The following CACNB2 variants were observed in gnomAD, a reference collection of about 807,000 sequenced individuals.
CACNB2 encodes voltage-dependent L-type calcium channel subunit beta-2.
A neutral mutation model predicts 73.3 loss-of-function variants in CACNB2; 42 were observed. That is an observed-to-expected ratio of 0.57 (90% CI 0.45 to 0.74). CACNB2 has a LOEUF of 0.74. CACNB2 is among the 30% of genes least tolerant of loss of function. The pLI is 0.00. For synonymous variants in CACNB2, 348 were observed against 310.3 expected, an observed-to-expected ratio of 1.12 and a Z score of -1.28; for missense variants, 940 against 853.0, an observed-to-expected ratio of 1.10 and a Z score of -1.27.
chr10:18,483,120 A>C (rs1210131712), intron 3 of CACNB2, among the ~76,000 whole-genome samples: 4 of 152,122 alleles, frequency 2.6e-5, no homozygotes, highest in Admixed American at 2.0e-4. Context: ...GAGTGATCAC[A>C]TGGGGTTTCA....
intron 1 of CACNB2, 28 bp from the exon 2 acceptor site, chr10:18,150,855 C>CTTTTTTTTTTTGTT: frequency 4.1e-6 from 2 of 483,392 alleles, no homozygotes; most frequent in South Asian, 2.7e-5. Flanking sequence ...TCTTATTTGT[C>CTTTTTTTTTTTGTT]TTTTTTTTTT....
At chr10:18,398,903 C>T (rs2043848543) in intron 2 of CACNB2, among the ~76,000 whole-genome samples, 1 of 152,094 alleles carries the variant, frequency 6.6e-6, no homozygotes. Flanking sequence ...AACCTGGAAA[C>T]AGGTCTCAAA....
chr10:18,403,281 G>A (rs776595611), intron 3 of CACNB2, among the ~76,000 whole-genome samples: 19 of 152,144 alleles, frequency 1.2e-4, no homozygotes, highest in Non-Finnish European at 2.5e-4. Context: ...TGTTAGCCAC[G>A]TAGAACATTG....
At chr10:18,180,890 C>T (rs551897664) in intron 2 of CACNB2, among the ~76,000 whole-genome samples, 10 of 151,236 alleles carry the variant, frequency 6.6e-5, no homozygotes, top group African/African-American at 1.2e-4. Flanking sequence ...CGCTTGAACC[C>T]GGGAGATGGA....
chr10:18,208,591 A>G lies in CACNB2; in HGVS notation c.213+57616A>G, dbSNP rs2035192193. Among the ~76,000 whole-genome samples the G allele has an allele frequency of 3.3e-5, 5 of 152,114 alleles. No homozygotes were observed. In the South Asian group the frequency reaches 1.0e-3, roughly 32 times the overall value. On this transcript the variant is annotated intron_variant, in intron 2 of 13. Coordinates refer to ENST00000324631, the MANE Select transcript of CACNB2 (RefSeq NM_201596.3). ...CGTGCCACTGCACTCTAGCCTGTGC[A>G]ACAGAGTGAGACCCTGTCTCAAAAA... is the stretch of plus-strand genomic sequence containing the variant.
intron 2 of CACNB2, among the ~76,000 whole-genome samples, chr10:18,399,038 G>A (rs1322274200): frequency 6.6e-6 from 1 of 152,180 alleles, no homozygotes; most frequent in Non-Finnish European, 1.5e-5. Flanking sequence ...TTATGTGTGG[G>A]TGTTATGCGG....
At chr10:18,399,709 C>CT (rs778752757) in intron 2 of CACNB2, among the ~76,000 whole-genome samples, 2,164 of 149,166 alleles carry the variant, frequency 0.015, 64 homozygotes, top group African/African-American at 0.049. Flanking sequence ...CTTAAGAACA[C>CT]TTTTTTTTTT....
chr10:18,467,256 T>G (rs1456307143), intron 3 of CACNB2, among the ~76,000 whole-genome samples: 1 of 152,210 alleles, frequency 6.6e-6, no homozygotes, highest in African/African-American at 2.4e-5. Flanking sequence ...AATAATAAAT[T>G]CACTTTGCAT....
intron 2 of CACNB2, among the ~76,000 whole-genome samples, chr10:18,265,231 A>C (rs1006028678): frequency 4.0e-4 from 59 of 148,268 alleles, no homozygotes; most frequent in Non-Finnish European, 7.4e-4. Context: ...GCTCTCTGCA[A>C]CCTCCACCTC....
chr10:18,500,712 A>T, intron 4 of CACNB2, 100 bp from the exon 5 acceptor site: 1 of 1,189,200 alleles, frequency 8.4e-7, no homozygotes, highest in Non-Finnish European at 1.2e-6. Flanking sequence ...AGGCATAGTT[A>T]ATGGTCATTG....
Position 18,141,216 on chromosome 10 carries a change from G to C in CACNB2, c.120+360G>C, listed in dbSNP as rs1064795457. ...GAGTGGACTGGACCTGCTGAAGATC[G>C]TGAGTCCGGGTGGGCGGGAGGGGGC... On this transcript the variant is annotated intron_variant, in intron 1 of 13. Transcript: ENST00000324631. The C allele has an allele frequency of 4.5e-6, 5 of 1,109,494 alleles. No homozygotes were observed. The highest frequency in any genetic ancestry group is 1.6e-5 in the African/African-American group (1 of 63,176). The allele number at this position is 1,109,494 out of a possible 1,614,324, so 68.7% of individuals were successfully genotyped here.
At chr10:18,445,577 G>A (rs1019752904) in intron 3 of CACNB2, among the ~76,000 whole-genome samples, 1 of 149,240 alleles carries the variant, frequency 6.7e-6, no homozygotes, top group African/African-American at 2.4e-5. Context: ...AGCAAGATGT[G>A]CATGGGGAAA....
chr10:18,225,029 C>T (rs529489888), intron 2 of CACNB2, among the ~76,000 whole-genome samples: 2 of 152,332 alleles, frequency 1.3e-5, no homozygotes, highest in East Asian at 1.9e-4. Context: ...TCAGCCAGCC[C>T]TCTGTTTGCT....
chr10:18,414,577 C>T (rs913080016), intron 3 of CACNB2, among the ~76,000 whole-genome samples: 10 of 151,142 alleles, frequency 6.6e-5, no homozygotes, highest in African/African-American at 1.7e-4. Flanking sequence ...CTCTGACTCC[C>T]GAGTTCAAGC....
intron 2 of CACNB2, among the ~76,000 whole-genome samples, chr10:18,385,579 A>T (rs866109949): frequency 2.8e-4 from 41 of 146,766 alleles, no homozygotes; most frequent in African/African-American, 1.0e-3. Flanking sequence ...GTGAGCCGAG[A>T]TCGTGCCAAG....
intron 3 of CACNB2, among the ~76,000 whole-genome samples, chr10:18,429,820 A>C (rs573735583): frequency 5.4e-5 from 8 of 149,516 alleles, no homozygotes; most frequent in African/African-American, 1.7e-4. Context: ...AAAAAAAAAA[A>C]AAAAAACAAA....
intron 3 of CACNB2, among the ~76,000 whole-genome samples, chr10:18,481,205 TATATATATATATATATA>T (rs1564599217): frequency 8.4e-5 from 1 of 11,838 alleles, no homozygotes; most frequent in Non-Finnish European, 1.9e-4. Context: ...TATATATATA[TATATATATATATATATA>T]TATATATATT....
intron 3 of CACNB2, among the ~76,000 whole-genome samples, chr10:18,473,247 T>G (rs988173863): frequency 2.0e-5 from 3 of 152,206 alleles, no homozygotes; most frequent in African/African-American, 7.2e-5. Flanking sequence ...TGGTATAATA[T>G]GGTATGACCC....
chr10:18,232,807 G>A (rs2036272501), intron 2 of CACNB2, among the ~76,000 whole-genome samples: 1 of 152,174 alleles, frequency 6.6e-6, no homozygotes, highest in South Asian at 2.1e-4. Context: ...GCTTAGAGAG[G>A]CTGGGTGCAG....
Sources: gnomAD v4.1 joint callset for allele counts (sites outside exome capture counted in the v4.1 genomes callset) on GRCh38, gnomAD v4.1.1 for gene constraint, MANE v1.5 for transcripts, NCBI Gene and HGNC (gene_info 2026-07-23, HGNC 2026-07-21) for gene names.